ZNF585A: variants seen among roughly 807,000 people sequenced by gnomAD.
The protein encoded by ZNF585A is zinc finger protein 585A.
ZNF585A carries 9 observed loss-of-function variants against 14.9 expected under a neutral mutation model. That is an observed-to-expected ratio of 0.60 (90% confidence interval 0.36 to 1.05). The LOEUF (loss-of-function observed/expected upper bound fraction) is 1.05. Ranked by LOEUF, ZNF585A falls within the 50% of genes least tolerant of loss-of-function variation. ZNF585A has a pLI of 0.01. For missense variants in ZNF585A, 726 were observed against 926.4 expected, an observed-to-expected ratio of 0.78 and a Z score of 2.81; for synonymous variants, 276 against 319.9, an observed-to-expected ratio of 0.86 and a Z score of 1.46.
At chr19:37,161,466 T>C (rs1161685215) in intron 2 of ZNF585A, among the ~76,000 whole-genome samples, 2 of 152,182 alleles carry the variant, frequency 1.3e-5, no homozygotes, top group Non-Finnish European at 2.9e-5. Flanking sequence ...CATTGCACAA[T>C]TGATGAGAGA....
chr19:37,168,249 T>C (rs1239372180), intron 2 of ZNF585A, among the ~76,000 whole-genome samples: 2 of 152,242 alleles, frequency 1.3e-5, no homozygotes, highest in Non-Finnish European at 2.9e-5. Context: ...CATTCCTTTA[T>C]TTTTAAATGA....
Position 37,147,524 on chromosome 19 carries a change from ATAT to A in ZNF585A, c.*4062_*4064del, listed in dbSNP as rs1416798171. 1 of 152,236 alleles carries A rather than the reference ATAT, an allele frequency of 6.6e-6. No individual in the cohort carries two copies. Among genetic ancestry groups the A allele is most frequent in the Non-Finnish European group, 1.5e-5 (1 of 68,038 alleles). 9.4% of individuals were successfully genotyped at this position (152,236 alleles called of 1,614,324 possible). Reference sequence around the variant, plus strand: ...CTACGTGAAAGTAGAAATAACCAAAATATTATGTGAAAGTTTGATATGTAAAAT... The same window carrying A: ...CTACGTGAAAGTAGAAATAACCAAAATATGTGAAAGTTTGATATGTAAAAT... On this transcript the variant is annotated 3_prime_UTR_variant, in exon 5 of 5. Coordinates refer to ENST00000292841, the MANE Select transcript of ZNF585A (RefSeq NM_001288800.2).
At chr19:37,157,305 G>A (rs1427884163) in intron 2 of ZNF585A, among the ~76,000 whole-genome samples, 1 of 152,124 alleles carries the variant, frequency 6.6e-6, no homozygotes, top group African/African-American at 2.4e-5. Flanking sequence ...TAGTTTCCTA[G>A]CAACTGGATG....
rs764492671 is a variant in ZNF585A, at chr19:37,151,243, C to G, written c.*346G>C. 2 of 426,072 alleles carry G rather than the reference C, an allele frequency of 4.7e-6. No homozygotes were observed. The highest frequency in any genetic ancestry group is 8.3e-6 in the Non-Finnish European group (2 of 241,514). 26.4% of individuals were successfully genotyped at this position (426,072 alleles called of 1,614,324 possible). Reference sequence around the variant, plus strand: ...TCAATTTGTTGGCACTATACCTAATCCACAGTAAACAGGATTATCGTTAAC... The same window carrying G: ...TCAATTTGTTGGCACTATACCTAATGCACAGTAAACAGGATTATCGTTAAC... On this transcript the variant is annotated 3_prime_UTR_variant, in exon 5 of 5. Transcript: ENST00000292841.
Position 37,153,275 on chromosome 19 carries a change from A to G in ZNF585A, c.624T>C (p.His208=), listed in dbSNP as rs1293486797. 1 of 1,614,190 alleles carries G rather than the reference A, an allele frequency of 6.2e-7. No individual in the cohort carries two copies. The highest frequency in any genetic ancestry group is 2.2e-5 in the East Asian group (1 of 44,884). Residue 208 remains histidine, a synonymous_variant, in exon 5 of 5, where the codon CAT becomes CAC. Coordinates refer to ENST00000292841, the MANE Select transcript of ZNF585A (RefSeq NM_001288800.2). ...VSSLFRHQRI[H]TGEKLYECSQ... ...TGCATTCATAGAGTTTCTCTCCGGT[A>G]TGAATTCTCTGATGCCTGAAGAGGG...
At chr19:37,165,504 G>T in intron 2 of ZNF585A, 1 of 248,324 alleles carries the variant, frequency 4.0e-6, no homozygotes, top group Non-Finnish European at 6.4e-6. Context: ...TATTGTTTTT[G>T]AGATATTTTA....
rs1238295150 is a variant in ZNF585A at position 37,147,641 on chromosome 19, A to T, written c.*3948T>A. On this transcript the variant is annotated 3_prime_UTR_variant, in exon 5 of 5. Coordinates refer to ENST00000292841, the MANE Select transcript of ZNF585A (RefSeq NM_001288800.2). ...TACAAACTATTTTATTGTCACAAGG[A>T]ATATACAGTAATAAATATTACAATA... 3.3e-5 allele frequency: 5 copies of T among 152,234 alleles called. No individual in the cohort carries two copies. The highest frequency in any genetic ancestry group is 1.2e-4 in the African/African-American group (5 of 41,458). The allele number at this position is 152,234 out of a possible 1,614,324, so 9.4% of individuals were successfully genotyped here.
chr19:37,156,928 G>A (rs1213117339), intron 2 of ZNF585A, among the ~76,000 whole-genome samples: 1 of 152,168 alleles, frequency 6.6e-6, no homozygotes, highest in Non-Finnish European at 1.5e-5. Flanking sequence ...CTGACCTCAG[G>A]TGATCCACCC....
Position 37,148,483 on chromosome 19 carries a change from T to C in ZNF585A, c.*3106A>G, listed in dbSNP as rs1432649964. On this transcript the variant is annotated 3_prime_UTR_variant, in exon 5 of 5. Transcript: ENST00000292841. ...AACTATAGAGACGGAAACAGACTGG[T>C]GATTGCCAAGGGCTGGGAGTGGGAA... The C allele has an allele frequency of 6.6e-6, 1 of 151,508 alleles. No homozygotes were observed. Among genetic ancestry groups the C allele is most frequent in the Non-Finnish European group, 1.5e-5 (1 of 67,904 alleles). 9.4% of individuals were successfully genotyped at this position (151,508 alleles called of 1,614,324 possible).
rs943707768 is a variant in ZNF585A at position 37,147,754 on chromosome 19, A to C, written c.*3835T>G. On this transcript the variant is annotated 3_prime_UTR_variant, in exon 5 of 5. Transcript: ENST00000292841. ...TAAAATATATAAATCTAGTTTTTAC[A>C]CTTATAAATCTTTTATCAAATGTAA... is the stretch of plus-strand genomic sequence containing the variant. 1 of 152,204 alleles carries C rather than the reference A, an allele frequency of 6.6e-6. No homozygotes were observed. Among genetic ancestry groups the C allele is most frequent in the Non-Finnish European group, 1.5e-5 (1 of 68,036 alleles). 9.4% of individuals were successfully genotyped at this position (152,204 alleles called of 1,614,324 possible). A position where few individuals can be genotyped will look rare whatever the true frequency, so the allele number is the denominator to read the frequency against.
At chr19:37,165,053 T>A (rs931621212) in intron 2 of ZNF585A, among the ~76,000 whole-genome samples, 3 of 152,192 alleles carry the variant, frequency 2.0e-5, no homozygotes, top group Middle Eastern at 3.2e-3. Context: ...GGTGGGGTAG[T>A]TAATGTTCTA....
rs774287804 is a variant in ZNF585A, at chr19:37,153,316, A to T, written c.583T>A (p.Phe195Ile). The T allele has an allele frequency of 1.2e-6, 2 of 1,614,190 alleles. No homozygotes were observed. The highest frequency in any genetic ancestry group is 2.2e-5 in the South Asian group (2 of 91,082). ...CTGAAGAGGGACGACACTTGAAAAA[A>T]GGATTTTCCACATTCATTGCATTTA... is the stretch of plus-strand genomic sequence containing the variant. ...PFKCNECGKSFFQVSSLFRHQ... is the reference protein window; with the variant it reads ...PFKCNECGKSIFQVSSLFRHQ... The change falls in exon 5 of 5, where the codon TTT becomes ATT. Residue 195 changes from phenylalanine (F) to isoleucine (I), a missense_variant. Transcript: ENST00000292841.
At chr19:37,166,936 C>T (rs938645652) in intron 2 of ZNF585A, among the ~76,000 whole-genome samples, 1 of 152,006 alleles carries the variant, frequency 6.6e-6, no homozygotes, top group African/African-American at 2.4e-5. Context: ...CAGGCTCAAG[C>T]GATCCTCCCA....
rs77291605 is a variant in ZNF585A at position 37,151,212 on chromosome 19, T to A, written c.*377A>T. 0.039 allele frequency: 16,113 copies of A among 412,972 alleles called. 400 individuals carry two copies. Among genetic ancestry groups the A allele is most frequent in the East Asian group, 0.088 (2,576 of 29,246 alleles). The allele number at this position is 412,972 out of a possible 1,614,324, so 25.6% of individuals were successfully genotyped here. A position where few individuals can be genotyped will look rare whatever the true frequency, so the allele number is the denominator to read the frequency against. On this transcript the variant is annotated 3_prime_UTR_variant, in exon 5 of 5. Transcript: ENST00000292841. ...AAAATAACTACGTATTATGTTGTTT[T>A]ATCATTCAATTTGTTGGCACTATAC...
At chr19:37,161,394 A>G (rs545136519) in intron 2 of ZNF585A, among the ~76,000 whole-genome samples, 1 of 152,360 alleles carries the variant, frequency 6.6e-6, no homozygotes, top group Admixed American at 6.5e-5. Flanking sequence ...ATTACTTAAG[A>G]AAGATTATTT....
chr19:37,164,376 C>T (rs1972056036), intron 2 of ZNF585A, among the ~76,000 whole-genome samples: 1 of 150,668 alleles, frequency 6.6e-6, no homozygotes, highest in South Asian at 2.1e-4. Context: ...GCACTCCAGC[C>T]GGGGCGACAC....
chr19:37,154,998 T>TTTC (rs1971902047), intron 4 of ZNF585A, among the ~76,000 whole-genome samples: 1 of 57,820 alleles, frequency 1.7e-5, no homozygotes, highest in African/African-American at 1.3e-4. Flanking sequence ...AAGAAAGATC[T>TTTC]TTTTTTTTTT....
chr19:37,164,877 T>G (rs539631471), intron 2 of ZNF585A, among the ~76,000 whole-genome samples: 2 of 152,302 alleles, frequency 1.3e-5, no homozygotes, highest in African/African-American at 2.4e-5. Context: ...CTCACTATGT[T>G]GTGCAGGCTG....
intron 2 of ZNF585A, among the ~76,000 whole-genome samples, chr19:37,156,694 AT>A (rs113015250): frequency 2.3e-4 from 35 of 149,252 alleles, no homozygotes; most frequent in African/African-American, 5.6e-4. Context: ...CTAATACTTC[AT>A]TTTTTTTTTC....
Sources: allele counts gnomAD v4.1 joint callset (sites outside exome capture counted in the v4.1 genomes callset), GRCh38; gene constraint gnomAD v4.1.1; transcripts MANE v1.5; gene names NCBI Gene and HGNC (gene_info 2026-07-23, HGNC 2026-07-21).